Variants in RPS6KC1 observed in about 807,000 individuals in gnomAD.
The protein encoded by RPS6KC1 is inactive ribosomal protein S6 kinase delta-1.
In RPS6KC1, 54 loss-of-function variants were observed where a neutral mutation model predicts 103.8. The observed-to-expected ratio is 0.52, with a 90% CI of 0.42 to 0.65. The LOEUF is 0.65. Among genes scored for constraint, RPS6KC1 ranks in the 30% least tolerant of loss-of-function variants. The pLI is 0.00. For missense variants in RPS6KC1, 1,151 were observed against 1,253.8 expected (o/e 0.92, Z 1.24); for synonymous variants, 439 against 438.7 (o/e 1.00, Z -0.01).
At chr1:213,062,615 G>A (rs948959648) in intron 1 of RPS6KC1, among the ~76,000 whole-genome samples, 1 of 151,430 alleles carries the variant, frequency 6.6e-6, no homozygotes, top group African/African-American at 2.4e-5. Flanking sequence ...GGAGTACAGT[G>A]GTGCGATCTT....
intron 14 of RPS6KC1, among the ~76,000 whole-genome samples, chr1:213,270,921 A>G (rs971545285): frequency 1.3e-5 from 2 of 152,220 alleles, no homozygotes; most frequent in African/African-American, 2.4e-5. Flanking sequence ...TATTATCAAA[A>G]TGACAGTACC....
intron 1 of RPS6KC1, among the ~76,000 whole-genome samples, chr1:213,065,099 C>T (rs1209581884): frequency 6.6e-6 from 1 of 151,278 alleles, no homozygotes; most frequent in Non-Finnish European, 1.5e-5. Flanking sequence ...GCCTCAGCCT[C>T]CCGAGTAGCT....
At chr1:213,458,654 G>C in the RPS6KC1 span, among the ~76,000 whole-genome samples, 1 of 152,166 alleles carries the variant, frequency 6.6e-6, no homozygotes, top group Non-Finnish European at 1.5e-5. Flanking sequence ...ATGTTGAATA[G>C]GAGTGGTGAG....
At chr1:213,753,389 C>G in the RPS6KC1 span, among the ~76,000 whole-genome samples, 3 of 152,198 alleles carry the variant, frequency 2.0e-5, no homozygotes, top group Non-Finnish European at 4.4e-5. Flanking sequence ...AGGATATCTA[C>G]TTGTGATCAC....
the RPS6KC1 span, among the ~76,000 whole-genome samples, chr1:213,828,355 A>C: frequency 6.6e-6 from 1 of 152,180 alleles, no homozygotes; most frequent in Admixed American, 6.5e-5. Flanking sequence ...GACTCTCTTC[A>C]CTGGATTTCC....
chr1:213,152,915 C>T (rs1220861893), intron 6 of RPS6KC1, among the ~76,000 whole-genome samples: 1 of 152,316 alleles, frequency 6.6e-6, no homozygotes, highest in Non-Finnish European at 1.5e-5. Flanking sequence ...TTGTAGCGAG[C>T]CGAGATCACG....
At chr1:213,838,041 T>C in the RPS6KC1 span, among the ~76,000 whole-genome samples, 3 of 152,160 alleles carry the variant, frequency 2.0e-5, no homozygotes, top group African/African-American at 7.2e-5. Flanking sequence ...TTTGTACAAA[T>C]GACAGGAACC....
chr1:213,569,942 C>A, the RPS6KC1 span, among the ~76,000 whole-genome samples: 1 of 152,192 alleles, frequency 6.6e-6, no homozygotes, highest in African/African-American at 2.4e-5. Flanking sequence ...TAATTGAAGT[C>A]ATTGTGCTCT....
intron 2 of RPS6KC1, among the ~76,000 whole-genome samples, chr1:213,072,195 G>A (rs1489814346): frequency 3.3e-5 from 5 of 150,738 alleles, no homozygotes; most frequent in African/African-American, 7.3e-5. Flanking sequence ...GGTTGTTTCT[G>A]TTTAGCCACG....
the RPS6KC1 span, among the ~76,000 whole-genome samples, chr1:213,517,443 G>C: frequency 6.6e-6 from 1 of 152,090 alleles, no homozygotes; most frequent in African/African-American, 2.4e-5. Context: ...TTTTCTTGTT[G>C]GTTTCAAAGA....
intron 6 of RPS6KC1, among the ~76,000 whole-genome samples, chr1:213,153,333 G>A (rs1431638537): frequency 6.6e-6 from 1 of 151,188 alleles, no homozygotes; most frequent in African/African-American, 2.5e-5. Flanking sequence ...GCAGGGGCAG[G>A]GGCAGAGGCA....
At chr1:213,599,042 T>C in the RPS6KC1 span, among the ~76,000 whole-genome samples, 2 of 152,312 alleles carry the variant, frequency 1.3e-5, no homozygotes, top group East Asian at 3.9e-4. Context: ...ATTTAGAATC[T>C]AGTGACGTCT....
At chr1:213,861,793 A>G in the RPS6KC1 span, among the ~76,000 whole-genome samples, 1 of 152,186 alleles carries the variant, frequency 6.6e-6, no homozygotes, top group African/African-American at 2.4e-5. Context: ...TTTACTGTCC[A>G]GTCGTATCTT....
the RPS6KC1 span, among the ~76,000 whole-genome samples, chr1:213,403,374 G>A: frequency 2.0e-5 from 3 of 152,018 alleles, no homozygotes; most frequent in African/African-American, 4.8e-5. Context: ...AGGCTGTGTC[G>A]AGGACTCTCT....
At chr1:213,593,645 A>G in the RPS6KC1 span, among the ~76,000 whole-genome samples, 27 of 152,078 alleles carry the variant, frequency 1.8e-4, no homozygotes, top group Non-Finnish European at 2.9e-4. Context: ...AAGGGACCTG[A>G]AAGAGGAGGG....
At chr1:213,593,564 A>G in the RPS6KC1 span, among the ~76,000 whole-genome samples, 2 of 152,242 alleles carry the variant, frequency 1.3e-5, no homozygotes, top group African/African-American at 2.4e-5. Flanking sequence ...AGGCAATGAT[A>G]GGTCCTAAAC....
At chr1:213,245,582 A>G (rs1020097697) in intron 12 of RPS6KC1, among the ~76,000 whole-genome samples, 7 of 152,078 alleles carry the variant, frequency 4.6e-5, no homozygotes, top group Admixed American at 1.3e-4. Flanking sequence ...AACATTATCC[A>G]CCTGCCCTGT....
At chr1:213,773,416 CTATATATCTATATCTAT>C in the RPS6KC1 span, among the ~76,000 whole-genome samples, 1 of 148,328 alleles carries the variant, frequency 6.7e-6, no homozygotes, top group East Asian at 2.0e-4. Context: ...ATAGATATAT[CTATATATCTATATCTAT>C]TATATATCTA....
the RPS6KC1 span, among the ~76,000 whole-genome samples, chr1:213,362,054 C>T: frequency 5.6e-4 from 86 of 152,230 alleles, no homozygotes; most frequent in Admixed American, 7.8e-4. Flanking sequence ...TATCCTTCAC[C>T]TGCGGCTTGC....
Sources: allele counts gnomAD v4.1 joint callset (sites outside exome capture counted in the v4.1 genomes callset), GRCh38; gene constraint gnomAD v4.1.1; transcripts MANE v1.5; gene names NCBI Gene and HGNC (gene_info 2026-07-23, HGNC 2026-07-21).